Variants in CDH3 observed in about 807,000 individuals in gnomAD.
CDH3 encodes the protein cadherin-3.
CDH3 carries 54 observed loss-of-function variants against 82.0 expected under a neutral mutation model. That is an observed-to-expected ratio of 0.66 (90% CI 0.53 to 0.83). The LOEUF is 0.83. Ranked by LOEUF, CDH3 falls within the 40% of genes least tolerant of loss-of-function variation. The pLI is 0.00. For synonymous variants in CDH3, 446 were observed against 437.9 expected, an observed-to-expected ratio of 1.02 and a Z score of -0.23; for missense variants, 1,054 against 1,084.6, an observed-to-expected ratio of 0.97 and a Z score of 0.40.
chr16:68,732,200 G>A (rs982188789), downstream of CDH3, among the ~76,000 whole-genome samples: 4 of 152,202 alleles, frequency 2.6e-5, no homozygotes, highest in Non-Finnish European at 5.9e-5. Flanking sequence ...CAGCAGGAAG[G>A]GAGCCTCCTC....
At chr16:68,671,155 CTTTTTTTT>C (rs777512178) in intron 2 of CDH3, among the ~76,000 whole-genome samples, 1 of 139,400 alleles carries the variant, frequency 7.2e-6, no homozygotes, top group Non-Finnish European at 1.6e-5. Flanking sequence ...GATTGATGTA[CTTTTTTTT>C]TTTTTTTTTA....
chr16:68,682,534 G>A, intron 9 of CDH3, 47 bp downstream of exon 9: 2 of 1,580,242 alleles, frequency 1.3e-6, no homozygotes, highest in Non-Finnish European at 8.7e-7. Flanking sequence ...GGGGCAGTCA[G>A]GTCTGCAGCC....
downstream of CDH3, among the ~76,000 whole-genome samples, chr16:68,702,564 CAG>C (rs1461362519): frequency 6.6e-6 from 1 of 152,076 alleles, no homozygotes; most frequent in African/African-American, 2.4e-5. Flanking sequence ...CCAAGTCCAA[CAG>C]AAAAGAAAAG....
At chr16:68,716,035 G>A (rs916402790) in intron 1 of CDH3, among the ~76,000 whole-genome samples, 3 of 152,010 alleles carry the variant, frequency 2.0e-5, no homozygotes. Flanking sequence ...TTGGGAGGCT[G>A]AGGCGGGTGG....
chr16:68,731,368 CAAAAAAAAAAAAAAAA>C (rs869074059), downstream of CDH3, among the ~76,000 whole-genome samples: 16 of 2,264 alleles, frequency 7.1e-3, 1 homozygote, highest in South Asian at 0.023. Flanking sequence ...AACTCCGTCT[CAAAAAAAAAAAAAAAA>C]AAAAAAAAAA....
intron 1 of CDH3, among the ~76,000 whole-genome samples, chr16:68,711,644 G>C (rs899500251): frequency 1.3e-5 from 2 of 152,218 alleles, no homozygotes; most frequent in African/African-American, 4.8e-5. Flanking sequence ...AAGGGAAAGG[G>C]GAAGTGGTGG....
intron 9 of CDH3, among the ~76,000 whole-genome samples, chr16:68,683,150 T>G (rs1421122247): frequency 6.6e-6 from 1 of 152,194 alleles, no homozygotes; most frequent in Non-Finnish European, 1.5e-5. Context: ...TGGTTTACTA[T>G]GAAGAATGGT....
chr16:68,716,023 C>T (rs1313792267), intron 1 of CDH3, among the ~76,000 whole-genome samples: 3 of 152,116 alleles, frequency 2.0e-5, no homozygotes, highest in Non-Finnish European at 2.9e-5. Flanking sequence ...AATCCCAACA[C>T]TTTGGGAGGC....
rs115292958 is a variant in CDH3, at chr16:68,668,820, G to A, written c.161-7565G>A. 4.6e-3 allele frequency among the ~76,000 whole-genome samples: 697 copies of A among 152,304 alleles called. 11 individuals carry two copies. The highest frequency in any genetic ancestry group is 0.016 in the African/African-American group (649 of 41,560). On this transcript the variant is annotated intron_variant, in intron 2 of 15. Transcript: ENST00000264012. ...GAAAGAGGCCAGGATGTGGATGTCAGAAGCCTAGGTTAATTGTAAGTAGTC... is the reference window on the plus strand; with the variant it reads ...GAAAGAGGCCAGGATGTGGATGTCAAAAGCCTAGGTTAATTGTAAGTAGTC...
chr16:68,670,595 T>C (rs1023405065), intron 2 of CDH3, among the ~76,000 whole-genome samples: 1 of 152,228 alleles, frequency 6.6e-6, no homozygotes, highest in Non-Finnish European at 1.5e-5. Context: ...CAGCTGGGAC[T>C]ACATCATGGT....
intron 3 of CDH3, among the ~76,000 whole-genome samples, chr16:68,677,696 C>T (rs1157523389): frequency 6.6e-6 from 1 of 152,196 alleles, no homozygotes; most frequent in African/African-American, 2.4e-5. Flanking sequence ...TGAGATCGTG[C>T]CACTGCACTC....
chr16:68,675,154 C>T (rs549991031), intron 2 of CDH3, among the ~76,000 whole-genome samples: 1 of 152,046 alleles, frequency 6.6e-6, no homozygotes, highest in East Asian at 1.9e-4. Context: ...AAAAAAAACC[C>T]TCATCTGTTA....
intron 2 of CDH3, chr16:68,651,195 AC>A: frequency 2.0e-6 from 1 of 510,612 alleles, no homozygotes; most frequent in Non-Finnish European, 4.0e-6. Context: ...TCTGGTTAGC[AC>A]CCTGCAGGTA....
At chr16:68,690,592 G>A (rs1443191095) in intron 12 of CDH3, among the ~76,000 whole-genome samples, 1 of 150,912 alleles carries the variant, frequency 6.6e-6, no homozygotes, top group East Asian at 1.9e-4. Context: ...CAGCCTGAGT[G>A]ATAGAGCAAG....
intron 2 of CDH3, among the ~76,000 whole-genome samples, chr16:68,723,926 G>T (rs1233665609): frequency 1.3e-5 from 2 of 152,016 alleles, no homozygotes; most frequent in Non-Finnish European, 2.9e-5. Flanking sequence ...AAAATTAGCC[G>T]GGCATAGTGG....
downstream of CDH3, among the ~76,000 whole-genome samples, chr16:68,728,251 C>T (rs919940634): frequency 4.6e-5 from 7 of 152,068 alleles, no homozygotes; most frequent in East Asian, 1.9e-4. Context: ...CTGCAAGCTC[C>T]GCCTCCCGGG....
intron 8 of CDH3, 94 bp from the exon 9 acceptor site, chr16:68,682,208 T>C: frequency 7.2e-7 from 1 of 1,397,570 alleles, no homozygotes. Context: ...GGTAAAGGCA[T>C]GGGGATCCCC....
downstream of CDH3, among the ~76,000 whole-genome samples, chr16:68,731,431 C>T (rs60874418): frequency 0.025 from 506 of 20,310 alleles, 99 homozygotes; most frequent in Non-Finnish European, 0.029. Flanking sequence ...CACATATATA[C>T]ACATATATAT....
intron 1 of CDH3, among the ~76,000 whole-genome samples, chr16:68,716,136 T>C (rs1353549355): frequency 1.3e-5 from 2 of 150,042 alleles, no homozygotes; most frequent in East Asian, 3.9e-4. Context: ...GGTGTGGTGG[T>C]GCATGTCTGT....
Sources: gnomAD v4.1 joint callset for allele counts (sites outside exome capture counted in the v4.1 genomes callset) on GRCh38, gnomAD v4.1.1 for gene constraint, MANE v1.5 for transcripts, NCBI Gene and HGNC (gene_info 2026-07-23, HGNC 2026-07-21) for gene names.